Variants in WARS2 observed in about 807,000 individuals in gnomAD.
The protein encoded by WARS2 is tryptophanyl tRNA synthetase 2, mitochondrial, also known as tryptophan--tRNA ligase, mitochondrial.
Under a neutral mutation model 36.5 loss-of-function variants are expected in WARS2, and 28 were observed. That is an observed-to-expected ratio of 0.77 (90% CI 0.57 to 1.05). The LOEUF (loss-of-function observed/expected upper bound fraction) is 1.05. Among genes scored for constraint, WARS2 ranks in the 50% least tolerant of loss-of-function variants. WARS2 has a pLI of 0.00. For missense variants in WARS2, 435 were observed against 456.8 expected, an observed-to-expected ratio of 0.95 and a Z score of 0.44; for synonymous variants, 174 against 178.4, an observed-to-expected ratio of 0.98 and a Z score of 0.20.
At chr1:119,045,969 T>C (rs750156630) in intron 2 of WARS2, among the ~76,000 whole-genome samples, 2 of 152,142 alleles carry the variant, frequency 1.3e-5, no homozygotes, top group Non-Finnish European at 2.9e-5. Flanking sequence ...CTGTTCTATC[T>C]GTAAAAAGCC....
intron 2 of WARS2, among the ~76,000 whole-genome samples, chr1:119,048,692 A>G (rs1649065688): frequency 6.6e-6 from 1 of 152,116 alleles, no homozygotes; most frequent in Non-Finnish European, 1.5e-5. Flanking sequence ...ACGAGGAGAA[A>G]AATTTTTGTT....
intron 1 of WARS2, among the ~76,000 whole-genome samples, chr1:119,081,793 T>C (rs1202962850): frequency 6.6e-6 from 1 of 152,158 alleles, no homozygotes; most frequent in African/African-American, 2.4e-5. Flanking sequence ...AATGCCTCTA[T>C]TGGCAATTAA....
intron 1 of WARS2, among the ~76,000 whole-genome samples, chr1:119,092,399 T>A (rs942180116): frequency 6.6e-6 from 1 of 152,230 alleles, no homozygotes; most frequent in African/African-American, 2.4e-5. Context: ...AGGAAATTAA[T>A]GTAAAAATTA....
chr1:119,128,376 C>T lies in WARS2; in HGVS notation c.90+12179G>A, dbSNP rs115464885. ...TAAATTCTAATGGATAATTTTTAGTCTTTATCTTACCATGTCACTATCTTG... is the reference window on the plus strand; with the variant it reads ...TAAATTCTAATGGATAATTTTTAGTTTTTATCTTACCATGTCACTATCTTG... On this transcript the variant is annotated intron_variant, in intron 1 of 5. Transcript: ENST00000235521. 8.0e-3 allele frequency among the ~76,000 whole-genome samples: 1,223 copies of T among 152,074 alleles called. 13 individuals carry two copies. Among genetic ancestry groups the T allele is most frequent in the African/African-American group, 0.027 (1,137 of 41,488 alleles).
chr1:119,039,038 T>A (rs545281799), intron 4 of WARS2, among the ~76,000 whole-genome samples: 2 of 152,358 alleles, frequency 1.3e-5, no homozygotes, highest in African/African-American at 4.8e-5. Flanking sequence ...AAAGATAATC[T>A]GATTAGCCCA....
At chr1:119,075,595 G>A (rs775455835) in intron 2 of WARS2, among the ~76,000 whole-genome samples, 7 of 152,160 alleles carry the variant, frequency 4.6e-5, no homozygotes, top group Non-Finnish European at 8.8e-5. Context: ...ATGTTAACAT[G>A]TACCATAGCA....
chr1:119,082,206 T>C (rs1052179118), intron 1 of WARS2: 14 of 936,526 alleles, frequency 1.5e-5, no homozygotes, highest in Non-Finnish European at 1.8e-5. Context: ...GCACTTAATA[T>C]GTATTGTTAG....
At position 119,098,978 on chromosome 1, in the gene WARS2, C is replaced by T. The variant is rs757805208; in HGVS notation, c.91-22371G>A. Among the ~76,000 whole-genome samples, 7 of 151,510 alleles carry T rather than the reference C, an allele frequency of 4.6e-5. No individual in the cohort carries two copies. In the East Asian group the frequency reaches 1.4e-3, roughly 29 times the overall value. On this transcript the variant is annotated intron_variant, in intron 1 of 5. Transcript: ENST00000235521. ...TCTTGAAGTCCTGACCTCAGGTGAT[C>T]CACCCACCTCAGCCTCCCAAAGTGC...
chr1:119,044,391 T>G (rs1039204549), intron 3 of WARS2, among the ~76,000 whole-genome samples: 1 of 152,226 alleles, frequency 6.6e-6, no homozygotes, highest in Admixed American at 6.5e-5. Context: ...TTACACTTAA[T>G]GGTAGAATAC....
At chr1:119,100,636 T>C (rs1653787217) in intron 1 of WARS2, among the ~76,000 whole-genome samples, 1 of 152,144 alleles carries the variant, frequency 6.6e-6, no homozygotes, top group Non-Finnish European at 1.5e-5. Context: ...AATCCTTTCA[T>C]TTACAGCAAT....
chr1:119,061,823 C>T (rs916882564), intron 2 of WARS2, among the ~76,000 whole-genome samples: 1 of 152,064 alleles, frequency 6.6e-6, no homozygotes, highest in African/African-American at 2.4e-5. Flanking sequence ...TCTGGATCAA[C>T]AACCTAGGTC....
intron 1 of WARS2, 153 bp downstream of exon 1, chr1:119,140,402 A>G: frequency 1.7e-6 from 1 of 594,780 alleles, no homozygotes; most frequent in Non-Finnish European, 2.8e-6. Context: ...CTACGCTCTG[A>G]GCAGGCCGAC....
intron 1 of WARS2, among the ~76,000 whole-genome samples, chr1:119,082,760 G>C (rs1164617156): frequency 6.6e-6 from 1 of 152,178 alleles, no homozygotes; most frequent in Non-Finnish European, 1.5e-5. Context: ...CAGAACTCCA[G>C]TGCTCTGGCC....
intron 1 of WARS2, among the ~76,000 whole-genome samples, chr1:119,111,177 T>C (rs1268526960): frequency 6.6e-6 from 1 of 152,228 alleles, no homozygotes; most frequent in East Asian, 1.9e-4. Flanking sequence ...TGTTTTTTAC[T>C]GGTTAGTATG....
intron 1 of WARS2, among the ~76,000 whole-genome samples, chr1:119,098,202 T>A (rs142665409): frequency 0.02 from 3,112 of 151,964 alleles, 116 homozygotes; most frequent in African/African-American, 0.071. Flanking sequence ...TGAGCCAAGA[T>A]CGTGCCACTG....
chr1:119,062,597 C>T (rs747570754), intron 2 of WARS2, among the ~76,000 whole-genome samples: 12 of 152,112 alleles, frequency 7.9e-5, no homozygotes, highest in Non-Finnish European at 1.5e-4. Context: ...TTGTATCTCG[C>T]AGAATTTCCA....
At chr1:119,124,771 C>T (rs1378660303) in intron 1 of WARS2, among the ~76,000 whole-genome samples, 1 of 152,114 alleles carries the variant, frequency 6.6e-6, no homozygotes, top group East Asian at 1.9e-4. Context: ...CATGACTTCC[C>T]AGTTTAATCC....
chr1:119,074,505 G>A (rs373114646), intron 2 of WARS2, among the ~76,000 whole-genome samples: 6 of 152,284 alleles, frequency 3.9e-5, no homozygotes, highest in South Asian at 2.1e-4. Flanking sequence ...TCTGTCCAAC[G>A]CTGAATTTGA....
rs1456006722 is a variant in WARS2 at position 119,055,682 on chromosome 1, CAAGAAAGAAAGAA to C, written c.349-10033_349-10021del. ...ACAAACAAAAAACAGAGAAGAAAGG[CAAGAAAGAAAGAA>C]AAGAAAGAAAGAAGAGAGAGAGAAG... On this transcript the variant is annotated intron_variant, in intron 2 of 5. Transcript: ENST00000235521. Among the ~76,000 whole-genome samples the C allele has an allele frequency of 8.6e-3, 1,130 of 130,852 alleles. 14 individuals carry two copies. Among genetic ancestry groups the C allele is most frequent in the African/African-American group, 0.031 (1,074 of 34,830 alleles). The allele number at this position is 130,852 out of a possible 152,430, so 85.8% of individuals were successfully genotyped here.
Sources: allele counts gnomAD v4.1 joint callset (sites outside exome capture counted in the v4.1 genomes callset), GRCh38; gene constraint gnomAD v4.1.1; transcripts MANE v1.5; gene names NCBI Gene and HGNC (gene_info 2026-07-23, HGNC 2026-07-21).